The following NRXN1 variants were observed in gnomAD, a reference collection of about 807,000 sequenced individuals.
The protein encoded by NRXN1 is neurexin-1.
A neutral mutation model predicts 150.9 loss-of-function variants in NRXN1; 39 were observed. That is an observed-to-expected ratio of 0.26 (90% CI 0.20 to 0.34). The LOEUF is 0.34. NRXN1 is among the 10% of genes least tolerant of loss of function. NRXN1 has a pLI of 1.00. For missense variants in NRXN1, 1,815 were observed against 1,949.9 expected, an observed-to-expected ratio of 0.93 and a Z score of 1.30; for synonymous variants, 924 against 757.0, an observed-to-expected ratio of 1.22 and a Z score of -3.62.
intron 5 of NRXN1, among the ~76,000 whole-genome samples, chr2:50,863,110 A>G (rs1224267378): frequency 6.6e-6 from 1 of 151,946 alleles, no homozygotes; most frequent in African/African-American, 2.4e-5. Flanking sequence ...GTCACTGACT[A>G]TCATATTTGG....
chr2:50,509,641 G>T (rs896178478), intron 12 of NRXN1, among the ~76,000 whole-genome samples: 1 of 152,164 alleles, frequency 6.6e-6, no homozygotes, highest in South Asian at 2.1e-4. Flanking sequence ...TGGTTTAACT[G>T]TTGAAATTTT....
intron 5 of NRXN1, among the ~76,000 whole-genome samples, chr2:50,770,848 T>C (rs905892629): frequency 2.3e-4 from 35 of 152,136 alleles, no homozygotes; most frequent in African/African-American, 7.9e-4. Context: ...AAGCAAGCCA[T>C]TTTCACTTTA....
chr2:50,579,813 G>A (rs898807271), intron 8 of NRXN1, among the ~76,000 whole-genome samples: 3 of 152,020 alleles, frequency 2.0e-5, no homozygotes, highest in African/African-American at 7.2e-5. Context: ...AGGAGAATAT[G>A]ACAATCCTAC....
chr2:50,339,029 A>C (rs999210482), intron 17 of NRXN1, among the ~76,000 whole-genome samples: 1 of 152,332 alleles, frequency 6.6e-6, no homozygotes, highest in Middle Eastern at 3.4e-3. Flanking sequence ...CCAAATGGTA[A>C]CTAATTGCCA....
At chr2:50,124,605 T>A (rs538833928) in intron 18 of NRXN1, among the ~76,000 whole-genome samples, 2 of 152,168 alleles carry the variant, frequency 1.3e-5, no homozygotes, top group South Asian at 2.1e-4. Context: ...CCCCCAAAAC[T>A]TCCATTGTGC....
At chr2:50,592,146 T>C (rs576254226) in intron 8 of NRXN1, among the ~76,000 whole-genome samples, 6 of 152,340 alleles carry the variant, frequency 3.9e-5, no homozygotes, top group African/African-American at 1.4e-4. Flanking sequence ...CTGTGCTTGC[T>C]AGCTACTACG....
At chr2:50,604,610 T>C (rs1327893964) in intron 8 of NRXN1, among the ~76,000 whole-genome samples, 1 of 152,214 alleles carries the variant, frequency 6.6e-6, no homozygotes, top group Non-Finnish European at 1.5e-5. Flanking sequence ...CTTATCTCTA[T>C]TTTTGTTTAC....
intron 19 of NRXN1, among the ~76,000 whole-genome samples, chr2:50,071,549 G>T (rs1247559890): frequency 6.6e-6 from 1 of 152,146 alleles, no homozygotes; most frequent in Non-Finnish European, 1.5e-5. Flanking sequence ...CAGCAAGAAG[G>T]TGGACATCTG....
chr2:50,897,588 T>A (rs1406230574), intron 5 of NRXN1, among the ~76,000 whole-genome samples: 2 of 152,176 alleles, frequency 1.3e-5, no homozygotes, highest in East Asian at 3.9e-4. Context: ...TAAAAAGGAA[T>A]AAAGTACTGC....
At chr2:50,227,814 G>A (rs1009954252) in intron 18 of NRXN1, among the ~76,000 whole-genome samples, 3 of 152,120 alleles carry the variant, frequency 2.0e-5, no homozygotes, top group African/African-American at 7.2e-5. Flanking sequence ...CTGTTCAGTA[G>A]GCAAGCCAGT....
chr2:49,975,132 A>G (rs1272999980), intron 21 of NRXN1, among the ~76,000 whole-genome samples: 1 of 150,778 alleles, frequency 6.6e-6, no homozygotes, highest in Non-Finnish European at 1.5e-5. Context: ...TATATATATG[A>G]TTATATACAG....
chr2:49,927,993 C>T (rs1185528603), intron 22 of NRXN1, among the ~76,000 whole-genome samples: 1 of 151,958 alleles, frequency 6.6e-6, no homozygotes, highest in Admixed American at 6.6e-5. Flanking sequence ...AACTATGAAC[C>T]TGGCACACCA....
chr2:49,954,914 A>G (rs1674658513), intron 21 of NRXN1, among the ~76,000 whole-genome samples: 2 of 152,188 alleles, frequency 1.3e-5, no homozygotes, highest in South Asian at 4.1e-4. Context: ...GGAATTCAGT[A>G]GAGCTGACTT....
chr2:50,326,794 G>A (rs1005289423), intron 17 of NRXN1, among the ~76,000 whole-genome samples: 6 of 152,062 alleles, frequency 3.9e-5, no homozygotes, highest in Non-Finnish European at 8.8e-5. Context: ...TTTGCTAAGG[G>A]ACTTCAGCTA....
At chr2:50,267,314 C>T (rs2069013111) in intron 17 of NRXN1, among the ~76,000 whole-genome samples, 2 of 152,082 alleles carry the variant, frequency 1.3e-5, no homozygotes, top group South Asian at 4.1e-4. Context: ...CATATTTTTT[C>T]TCAGAAATAC....
intron 5 of NRXN1, chr2:50,918,608 T>C: frequency 2.7e-6 from 1 of 373,246 alleles, no homozygotes; most frequent in Non-Finnish European, 4.8e-6. Context: ...TTTTGTAATT[T>C]AAATAGTCAT....
intron 9 of NRXN1, among the ~76,000 whole-genome samples, chr2:50,549,157 G>C (rs923829416): frequency 6.6e-6 from 1 of 152,040 alleles, no homozygotes; most frequent in African/African-American, 2.4e-5. Flanking sequence ...AGTGACCTCT[G>C]AATCTTACTG....
At chr2:49,987,456 C>T (rs1184540583) in intron 21 of NRXN1, among the ~76,000 whole-genome samples, 1 of 151,882 alleles carries the variant, frequency 6.6e-6, no homozygotes, top group African/African-American at 2.4e-5. Context: ...ACATATATGT[C>T]CTATTGTTGT....
At position 50,007,850 on chromosome 2, in the gene NRXN1, C is replaced by G. The variant is rs868732788; in HGVS notation, c.4128+45421G>C. 2.4e-4 allele frequency among the ~76,000 whole-genome samples: 37 copies of G among 151,884 alleles called. 1 individual carries two copies. Among genetic ancestry groups the G allele is most frequent in the African/African-American group, 8.7e-4 (36 of 41,222 alleles). On this transcript the variant is annotated intron_variant, in intron 21 of 22. Coordinates refer to ENST00000401669, the MANE Select transcript of NRXN1 (RefSeq NM_001330078.2). ...TTGAACTAATTTACACTCCCACCAACAGTGTAAAAGTGTTCCTATTTCTCC... is the reference window on the plus strand; with the variant it reads ...TTGAACTAATTTACACTCCCACCAAGAGTGTAAAAGTGTTCCTATTTCTCC...
Sources: gnomAD v4.1 joint callset for allele counts (sites outside exome capture counted in the v4.1 genomes callset) on GRCh38, gnomAD v4.1.1 for gene constraint, MANE v1.5 for transcripts, NCBI Gene and HGNC (gene_info 2026-07-23, HGNC 2026-07-21) for gene names.